ARHGEF37: variants seen among roughly 807,000 people sequenced by gnomAD.
ARHGEF37 encodes Rho guanine nucleotide exchange factor 37.
ARHGEF37 carries 55 observed loss-of-function variants against 71.1 expected under a neutral mutation model. That is an observed-to-expected ratio of 0.77 (90% confidence interval 0.62 to 0.97). The LOEUF (loss-of-function observed/expected upper bound fraction) is 0.97. Among genes scored for constraint, ARHGEF37 ranks in the 50% least tolerant of loss-of-function variants. The pLI is 0.00. For synonymous variants in ARHGEF37, 327 were observed against 350.6 expected (o/e 0.93, Z 0.75); for missense variants, 765 against 836.8 (o/e 0.91, Z 1.06).
At chr5:149,615,853 C>T (rs1331181636) in intron 4 of ARHGEF37, among the ~76,000 whole-genome samples, 3 of 152,350 alleles carry the variant, frequency 2.0e-5, no homozygotes, top group African/African-American at 7.2e-5. Flanking sequence ...GATCGCACCA[C>T]TGCACTCCAG....
intron 1 of ARHGEF37, among the ~76,000 whole-genome samples, chr5:149,569,028 C>T (rs1762931906): frequency 6.6e-6 from 1 of 152,020 alleles, no homozygotes; most frequent in Non-Finnish European, 1.5e-5. Flanking sequence ...TTCTTTTGCT[C>T]AGCCTAATAT....
intron 1 of ARHGEF37, among the ~76,000 whole-genome samples, chr5:149,596,652 G>A (rs2113300834): frequency 6.6e-6 from 1 of 152,328 alleles, no homozygotes. Context: ...GAGTTTCAGA[G>A]AAGAAAAGTG....
At chr5:149,626,022 C>G (rs1752673435) in intron 10 of ARHGEF37, among the ~76,000 whole-genome samples, 1 of 152,232 alleles carries the variant, frequency 6.6e-6, no homozygotes, top group Non-Finnish European at 1.5e-5. Flanking sequence ...GAAATGACCA[C>G]AACACCACTG....
At chr5:149,618,836 C>A in intron 6 of ARHGEF37, 102 bp from the exon 7 acceptor site, 1 of 924,926 alleles carries the variant, frequency 1.1e-6, no homozygotes, top group Non-Finnish European at 1.7e-6. Context: ...CTCTGGTGGG[C>A]GAGTCTGTGG....
At chr5:149,600,276 A>G (rs1258499213) in intron 2 of ARHGEF37, among the ~76,000 whole-genome samples, 1 of 152,220 alleles carries the variant, frequency 6.6e-6, no homozygotes. Flanking sequence ...GTGACTGTAT[A>G]TGTTGTTATT....
intron 4 of ARHGEF37, among the ~76,000 whole-genome samples, chr5:149,611,249 C>T (rs1032328034): frequency 6.6e-6 from 1 of 152,202 alleles, no homozygotes; most frequent in Admixed American, 6.5e-5. Context: ...TTCTTGGTAG[C>T]AGGAGCTTCA....
At chr5:149,556,437 G>T (rs1241227471) in intron 1 of ARHGEF37, among the ~76,000 whole-genome samples, 12 of 151,432 alleles carry the variant, frequency 7.9e-5, no homozygotes, top group Admixed American at 7.9e-4. Context: ...GTCCAACCTG[G>T]AGTGCAATGG....
intron 10 of ARHGEF37, among the ~76,000 whole-genome samples, chr5:149,625,177 T>C (rs1752650309): frequency 6.6e-6 from 1 of 152,186 alleles, no homozygotes; most frequent in African/African-American, 2.4e-5. Flanking sequence ...AGTGTTGGAA[T>C]TACAGGCGTG....
chr5:149,594,519 A>G (rs893506605), intron 1 of ARHGEF37, among the ~76,000 whole-genome samples: 2 of 152,218 alleles, frequency 1.3e-5, no homozygotes, highest in African/African-American at 2.4e-5. Flanking sequence ...TCTCCGATCT[A>G]TGGAACAATG....
Position 149,599,719 on chromosome 5 carries a change from C to T in ARHGEF37, c.187-1389C>T, listed in dbSNP as rs1377278406. On this transcript the variant is annotated intron_variant, in intron 2 of 12. Coordinates refer to ENST00000333677, the MANE Select transcript of ARHGEF37 (RefSeq NM_001001669.3). ...GTTTCAGAAATAATGCAGGCTCTTG[C>T]TTGCTACGTTTCAAGCATCCCCTAG... is the stretch of plus-strand genomic sequence containing the variant. Among the ~76,000 whole-genome samples, 4 of 152,084 alleles carry T rather than the reference C, an allele frequency of 2.6e-5. No individual in the cohort carries two copies. In the South Asian group the frequency reaches 6.2e-4, roughly 24 times the overall value.
intron 12 of ARHGEF37, among the ~76,000 whole-genome samples, chr5:149,630,442 G>A (rs563963066): frequency 4.6e-5 from 7 of 152,254 alleles, no homozygotes; most frequent in Admixed American, 3.3e-4. Flanking sequence ...CGGATGCCTC[G>A]GGCCAGGGTG....
intron 1 of ARHGEF37, among the ~76,000 whole-genome samples, chr5:149,591,635 A>G (rs1470592049): frequency 6.6e-6 from 1 of 152,252 alleles, no homozygotes; most frequent in Non-Finnish European, 1.5e-5. Context: ...CCGACTTATG[A>G]TGATTCGACT....
intron 4 of ARHGEF37, 107 bp from the exon 5 acceptor site, chr5:149,616,460 C>G: frequency 9.3e-7 from 1 of 1,078,684 alleles, no homozygotes; most frequent in Non-Finnish European, 1.3e-6. Flanking sequence ...GGGTGACTTG[C>G]CTGAGATCAC....
chr5:149,601,015 A>T, intron 2 of ARHGEF37, 93 bp from the exon 3 acceptor site: 1 of 1,389,246 alleles, frequency 7.2e-7, no homozygotes, highest in Non-Finnish European at 9.9e-7. Flanking sequence ...GAGTGATGGG[A>T]ATGGTGTGAG....
chr5:149,554,079 A>T (rs1762720005), intron 1 of ARHGEF37, among the ~76,000 whole-genome samples: 1 of 152,190 alleles, frequency 6.6e-6, no homozygotes, highest in African/African-American at 2.4e-5. Context: ...GAGGCATGAG[A>T]ATCGCTTGAA....
chr5:149,623,518 C>T (rs1002932100), intron 9 of ARHGEF37, among the ~76,000 whole-genome samples: 2 of 152,190 alleles, frequency 1.3e-5, no homozygotes, highest in Non-Finnish European at 2.9e-5. Flanking sequence ...TGGGCTGCCC[C>T]CAACCCCTTG....
At position 149,632,190 on chromosome 5, in the gene ARHGEF37, AG is replaced by A; in HGVS notation, c.*2del. ...CTGTGGGGCTGGAGTCTGCCCTCTT[AG>A]GGTACCCTCTTTGGAGCCTACATTG... ...PVLWGWSLPS[*>X] On this transcript the variant is annotated frameshift_variant and stop_lost, in exon 13 of 13. Coordinates refer to ENST00000333677, the MANE Select transcript of ARHGEF37 (RefSeq NM_001001669.3). LOFTEE classifies it high-confidence loss of function. 6.2e-7 allele frequency: 1 copy of A among 1,613,892 alleles called. No homozygotes were observed. The highest frequency in any genetic ancestry group is 8.5e-7 in the Non-Finnish European group (1 of 1,179,888).
chr5:149,555,915 G>A (rs1158877779), intron 1 of ARHGEF37, among the ~76,000 whole-genome samples: 5 of 151,986 alleles, frequency 3.3e-5, no homozygotes, highest in African/African-American at 1.2e-4. Context: ...CTTGAGGCCA[G>A]GAGTTCAAGA....
Position 149,629,638 on chromosome 5 carries a change from G to A in ARHGEF37, c.1818+672G>A, listed in dbSNP as rs1481145175. On this transcript the variant is annotated intron_variant, in intron 12 of 12. Coordinates refer to ENST00000333677, the MANE Select transcript of ARHGEF37 (RefSeq NM_001001669.3). ...AAGAAAGGGGACAGACTGGAGTGTC[G>A]TGCTGCTGGAGAGGTGGGCAGGGAC... Among the ~76,000 whole-genome samples, 5 of 152,326 alleles carry A rather than the reference G, an allele frequency of 3.3e-5. No homozygotes were observed. The South Asian group carries it at 6.2e-4, about 19-fold the overall frequency.
Sources: gnomAD v4.1 joint callset for allele counts (sites outside exome capture counted in the v4.1 genomes callset) on GRCh38, gnomAD v4.1.1 for gene constraint, MANE v1.5 for transcripts, NCBI Gene and HGNC (gene_info 2026-07-23, HGNC 2026-07-21) for gene names.